MYOCD: variants seen among roughly 807,000 people sequenced by gnomAD.
MYOCD encodes myocardin.
Under a neutral mutation model 96.1 loss-of-function variants are expected in MYOCD, and 32 were observed. The observed-to-expected ratio is 0.33, with a 90% confidence interval of 0.25 to 0.45. The LOEUF (loss-of-function observed/expected upper bound fraction) is 0.45. Ranked by LOEUF, MYOCD falls within the 20% of genes least tolerant of loss-of-function variation. MYOCD has a pLI of 1.00. For missense variants in MYOCD, 1,133 were observed against 1,200.6 expected, an observed-to-expected ratio of 0.94 and a Z score of 0.83; for synonymous variants, 469 against 469.0, an observed-to-expected ratio of 1.00 and a Z score of 0.00.
intron 2 of MYOCD, among the ~76,000 whole-genome samples, chr17:12,711,515 GT>G (rs1567582635): frequency 6.6e-6 from 1 of 152,282 alleles, no homozygotes; most frequent in East Asian, 1.9e-4. Flanking sequence ...TTAATTTTAT[GT>G]TTTTGAGTTA....
intron 9 of MYOCD, among the ~76,000 whole-genome samples, chr17:12,747,644 A>G (rs1477590738): frequency 6.6e-6 from 1 of 152,160 alleles, no homozygotes; most frequent in Non-Finnish European, 1.5e-5. Flanking sequence ...AAGGAGGCAT[A>G]TGATGCAACC....
At chr17:12,749,719 G>GTATATATA (rs1179537467) in intron 9 of MYOCD, among the ~76,000 whole-genome samples, 72 of 7,686 alleles carry the variant, frequency 9.4e-3, no homozygotes, top group East Asian at 0.035. Context: ...GTATATATAT[G>GTATATATA]TGTGTGTGTA....
intron 7 of MYOCD, among the ~76,000 whole-genome samples, chr17:12,742,296 T>C (rs1009457002): frequency 2.8e-4 from 43 of 152,212 alleles, no homozygotes; most frequent in African/African-American, 8.9e-4. Flanking sequence ...GGAAGAAGTC[T>C]CTTTGGAAAA....
At chr17:12,675,686 G>A (rs1053742460) in intron 1 of MYOCD, among the ~76,000 whole-genome samples, 1 of 152,108 alleles carries the variant, frequency 6.6e-6, no homozygotes, top group Non-Finnish European at 1.5e-5. Flanking sequence ...GTGAAAACCC[G>A]TCCCTACTAA....
chr17:12,736,171 G>A lies in MYOCD; in HGVS notation c.426G>A (p.Val142=). ...ATTTCACCCCCTCAGGTAACCAGGT[G>A]AGTTTCTCCAAATCCACGGATGCTT... ...AVKEAIKGNQ[V]SFSKSTDAFA... Residue 142 remains valine, a synonymous_variant, in exon 6 of 14, where the codon GTG becomes GTA. Coordinates refer to ENST00000425538, the MANE Select transcript of MYOCD (RefSeq NM_001146312.3). 1 of 1,614,020 alleles carries A rather than the reference G, an allele frequency of 6.2e-7. No individual in the cohort carries two copies. The highest frequency in any genetic ancestry group is 8.5e-7 in the Non-Finnish European group (1 of 1,179,948).
intron 5 of MYOCD, among the ~76,000 whole-genome samples, chr17:12,723,242 G>A (rs1368302910): frequency 6.6e-6 from 1 of 152,146 alleles, no homozygotes; most frequent in African/African-American, 2.4e-5. Context: ...CTCTAGTCAG[G>A]CAAGTTGAGA....
intron 1 of MYOCD, among the ~76,000 whole-genome samples, chr17:12,687,940 G>A (rs2030216918): frequency 6.6e-6 from 1 of 152,216 alleles, no homozygotes; most frequent in African/African-American, 2.4e-5. Context: ...CTTTTAGCAA[G>A]GATGATTTAT....
chr17:12,693,947 T>A (rs1052932748), intron 1 of MYOCD, among the ~76,000 whole-genome samples: 4 of 152,142 alleles, frequency 2.6e-5, no homozygotes, highest in Admixed American at 1.3e-4. Context: ...GAGAGAGATT[T>A]CTGCTGTTGA....
chr17:12,708,854 C>T (rs2031389689), intron 2 of MYOCD, among the ~76,000 whole-genome samples: 3 of 152,318 alleles, frequency 2.0e-5, no homozygotes, highest in Admixed American at 1.3e-4. Flanking sequence ...CCCGCCTAGG[C>T]TCCTTTTTTC....
In MYOCD at chr17:12,768,195, A is replaced by T. The variant is rs2033389764; in HGVS notation, c.*4551A>T. On this transcript the variant is annotated 3_prime_UTR_variant, in exon 14 of 14. Transcript: ENST00000425538. ...CACAGAGCCCAGGTCCTGGAACAAGACAATCCTGTAGTGCCAAGATCTGGT... is the reference window on the plus strand; with the variant it reads ...CACAGAGCCCAGGTCCTGGAACAAGTCAATCCTGTAGTGCCAAGATCTGGT... 2 of 152,174 alleles carry T rather than the reference A, an allele frequency of 1.3e-5. No homozygotes were observed. The highest frequency in any genetic ancestry group is 4.8e-5 in the African/African-American group (2 of 41,432). The allele number at this position is 152,174 out of a possible 1,614,324, so 9.4% of individuals were successfully genotyped here.
At chr17:12,728,718 A>T (rs1463147020) in intron 5 of MYOCD, among the ~76,000 whole-genome samples, 1 of 152,188 alleles carries the variant, frequency 6.6e-6, no homozygotes, top group East Asian at 1.9e-4. Flanking sequence ...ACCTCAGGTG[A>T]TCCACCCGCC....
At chr17:12,755,546 G>T (rs1366580080) in intron 10 of MYOCD, among the ~76,000 whole-genome samples, 2 of 152,052 alleles carry the variant, frequency 1.3e-5, no homozygotes, top group Admixed American at 6.6e-5. Flanking sequence ...TTTGAGACCA[G>T]CCTAGCCAAT....
chr17:12,701,364 A>T (rs745848720), intron 1 of MYOCD, among the ~76,000 whole-genome samples: 4 of 152,176 alleles, frequency 2.6e-5, no homozygotes, highest in Non-Finnish European at 5.9e-5. Flanking sequence ...GTGAGCCGAG[A>T]TCGTGCCACT....
At chr17:12,701,480 A>G (rs575725920) in intron 1 of MYOCD, among the ~76,000 whole-genome samples, 89 of 152,314 alleles carry the variant, frequency 5.8e-4, no homozygotes, top group Non-Finnish European at 1.0e-3. Context: ...TGATCTTTGC[A>G]AATAACTAGC....
At chr17:12,668,208 T>A (rs971610364) in intron 1 of MYOCD, among the ~76,000 whole-genome samples, 1 of 152,260 alleles carries the variant, frequency 6.6e-6, no homozygotes, top group Non-Finnish European at 1.5e-5. Flanking sequence ...GACTTTATTT[T>A]GATTTCTCTC....
intron 5 of MYOCD, among the ~76,000 whole-genome samples, chr17:12,732,560 T>C (rs12451778): frequency 6.6e-6 from 1 of 152,162 alleles, no homozygotes; most frequent in Non-Finnish European, 1.5e-5. Flanking sequence ...AAGGATCTCC[T>C]TTCTCATGGT....
intron 2 of MYOCD, among the ~76,000 whole-genome samples, chr17:12,714,827 A>G (rs1328913703): frequency 6.6e-6 from 1 of 152,138 alleles, no homozygotes; most frequent in Non-Finnish European, 1.5e-5. Context: ...TATTTTACAT[A>G]TCACATCTTG....
intron 2 of MYOCD, among the ~76,000 whole-genome samples, chr17:12,708,301 T>C (rs568187136): frequency 6.6e-6 from 1 of 152,338 alleles, no homozygotes; most frequent in African/African-American, 2.4e-5. Context: ...TTCATAAGAT[T>C]TGAAATAGTT....
chr17:12,701,416 T>TAAATAAAATA (rs893828171), intron 1 of MYOCD, among the ~76,000 whole-genome samples: 1 of 152,010 alleles, frequency 6.6e-6, no homozygotes, highest in Non-Finnish European at 1.5e-5. Context: ...CGTCTCAAAA[T>TAAATAAAATA]AAATAAAATA....
Sources: allele counts gnomAD v4.1 joint callset (sites outside exome capture counted in the v4.1 genomes callset), GRCh38; gene constraint gnomAD v4.1.1; transcripts MANE v1.5; gene names NCBI Gene and HGNC (gene_info 2026-07-23, HGNC 2026-07-21).